SUN1: variants seen among roughly 807,000 people sequenced by gnomAD.
SUN1 encodes the protein Sad1 and UNC84 domain containing 1, also known as SUN domain-containing protein 1.
Under a neutral mutation model 103.2 loss-of-function variants are expected in SUN1, and 61 were observed. The observed-to-expected ratio is 0.59, with a 90% CI of 0.48 to 0.73. SUN1 has a LOEUF of 0.73. Among genes scored for constraint, SUN1 ranks in the 30% least tolerant of loss-of-function variants. SUN1 has a pLI of 0.00. For synonymous variants in SUN1, 490 were observed against 425.7 expected, an observed-to-expected ratio of 1.15 and a Z score of -1.86; for missense variants, 1,052 against 1,034.6, an observed-to-expected ratio of 1.02 and a Z score of -0.23.
intron 1 of SUN1, among the ~76,000 whole-genome samples, chr7:819,748 G>A (rs1424672676): frequency 4.5e-5 from 6 of 134,558 alleles, no homozygotes; most frequent in African/African-American, 1.4e-4. Context: ...TTGCCCTGTC[G>A]CCCAGGCTGG....
At chr7:815,879 C>T, upstream of SUN1, 3 of 225,584 alleles carry the variant, frequency 1.3e-5, no homozygotes, top group South Asian at 3.9e-5. Flanking sequence ...GGGGTGGGGG[C>T]GGCGGCCAGC....
At chr7:850,946 T>C (rs1401920422) in intron 5 of SUN1, among the ~76,000 whole-genome samples, 2 of 152,220 alleles carry the variant, frequency 1.3e-5, no homozygotes, top group African/African-American at 4.8e-5. Context: ...AGAATAATGT[T>C]AGTTTTGGTC....
At chr7:835,956 T>A (rs1802668373) in intron 1 of SUN1, among the ~76,000 whole-genome samples, 1 of 152,182 alleles carries the variant, frequency 6.6e-6, no homozygotes, top group Non-Finnish European at 1.5e-5. Context: ...GGGGGACTTG[T>A]CAGCAGGGGC....
chr7:847,390 G>T, intron 5 of SUN1, among the ~76,000 whole-genome samples: 1 of 141,006 alleles, frequency 7.1e-6, no homozygotes, highest in Non-Finnish European at 1.6e-5. Context: ...CCGCAGTCCA[G>T]TCTCCGGGAT....
intron 5 of SUN1, among the ~76,000 whole-genome samples, chr7:844,172 G>A (rs927284450): frequency 2.7e-4 from 41 of 152,232 alleles, no homozygotes; most frequent in Non-Finnish European, 4.9e-4. Context: ...GCCCCTTTGC[G>A]GCTTCCAGGC....
At chr7:851,607 C>A in intron 6 of SUN1, 125 bp downstream of exon 6, 1 of 847,582 alleles carries the variant, frequency 1.2e-6, no homozygotes, top group Non-Finnish European at 1.9e-6. Context: ...CTTGGCGTAA[C>A]GTGTCTCGTT....
At chr7:850,189 C>A in intron 5 of SUN1, 2 of 682,062 alleles carry the variant, frequency 2.9e-6, no homozygotes, top group Non-Finnish European at 4.9e-6. Context: ...GAATCTCTCT[C>A]GAAAAGCTCC....
Position 842,810 on chromosome 7 carries a change from G to C in SUN1, c.452-396G>C, listed in dbSNP as rs74771883. 3.7e-3 allele frequency: 1,117 copies of C among 300,402 alleles called. 17 individuals carry two copies. The highest frequency in any genetic ancestry group is 0.023 in the African/African-American group (1,026 of 44,768). The allele number at this position is 300,402 out of a possible 1,614,324, so 18.6% of individuals were successfully genotyped here. A position where few individuals can be genotyped will look rare whatever the true frequency, so the allele number is the denominator to read the frequency against. Reference sequence around the variant, plus strand: ...ACATGTGCTAATTTTGGGAAGCCTTGGTATTGGTGTTTGTTCTGTTTTGCT... The same window carrying C: ...ACATGTGCTAATTTTGGGAAGCCTTCGTATTGGTGTTTGTTCTGTTTTGCT... On this transcript the variant is annotated intron_variant, in intron 3 of 18. Transcript: ENST00000401592.
rs1393440678 is a variant in SUN1 at position 851,468 on chromosome 7, C to G, written c.743C>G (p.Ala248Gly). 2 of 1,606,730 alleles carry G rather than the reference C, an allele frequency of 1.2e-6. No individual in the cohort carries two copies. Among genetic ancestry groups the G allele is most frequent in the Non-Finnish European group, 1.7e-6 (2 of 1,176,632 alleles). The change falls in exon 6 of 19, where the codon GCC becomes GGC. Residue 248 changes from alanine to glycine, a missense_variant. Coordinates refer to ENST00000401592, the MANE Select transcript of SUN1 (RefSeq NM_001130965.3). Reference protein sequence around the residue: ...SRTAWSALWLAVVAPGKAASG... With the variant: ...SRTAWSALWLGVVAPGKAASG... ...ACGGCGTGGTCGGCCCTTTGGCTGGCCGTGGTTGCTCCAGGTGGCTATTTT... is the reference window on the plus strand; with the variant it reads ...ACGGCGTGGTCGGCCCTTTGGCTGGGCGTGGTTGCTCCAGGTGGCTATTTT...
chr7:832,080 C>G, upstream of SUN1: 1 of 993,746 alleles, frequency 1.0e-6, no homozygotes, highest in African/African-American at 1.7e-5. Flanking sequence ...GCATACGCTG[C>G]TGCTTGACCA....
At chr7:872,884 C>T (rs758803076) in intron 18 of SUN1, among the ~76,000 whole-genome samples, 85 of 151,890 alleles carry the variant, frequency 5.6e-4, no homozygotes, top group Non-Finnish European at 9.0e-4. Flanking sequence ...GTCAGGAGTT[C>T]GAGACCAGCC....
At position 838,924 on chromosome 7, in the gene SUN1, T is replaced by C; in HGVS notation, c.204T>C (p.Gly68=). The C allele has an allele frequency of 6.2e-7, 1 of 1,611,274 alleles. No homozygotes were observed. Among genetic ancestry groups the C allele is most frequent in the Non-Finnish European group, 8.5e-7 (1 of 1,179,192 alleles). ...LATTACTLGD[G]EAVGADSGTS... ...CGACAGCATGCACCCTGGGGGATGG[T>C]GAGGCTGTGGGTGCCGACAGCGGCA... The change falls in exon 2 of 19, where the codon GGT becomes GGC. Residue 68 remains glycine (G), a synonymous_variant. Transcript: ENST00000401592.
At chr7:870,377 G>A (rs563302770) in intron 17 of SUN1, among the ~76,000 whole-genome samples, 2 of 152,106 alleles carry the variant, frequency 1.3e-5, no homozygotes, top group South Asian at 2.1e-4. Flanking sequence ...ATCACCTGAG[G>A]TTAGGAGTTC....
chr7:840,196 A>G (rs1328656522), intron 2 of SUN1, among the ~76,000 whole-genome samples: 1 of 152,230 alleles, frequency 6.6e-6, no homozygotes, highest in Non-Finnish European at 1.5e-5. Flanking sequence ...GGTGGCTTCC[A>G]CAGGCACCAC....
At chr7:836,219 C>G (rs541115781) in intron 1 of SUN1, among the ~76,000 whole-genome samples, 1 of 152,024 alleles carries the variant, frequency 6.6e-6, no homozygotes, top group Admixed American at 6.5e-5. Context: ...TGTAGGAGAA[C>G]GAGGAAGGGC....
intron 15 of SUN1, among the ~76,000 whole-genome samples, chr7:864,322 C>T (rs1834554798): frequency 6.6e-6 from 1 of 151,760 alleles, no homozygotes; most frequent in African/African-American, 2.4e-5. Context: ...CTGAGGCGGG[C>T]AGATCACCTG....
Position 874,038 on chromosome 7 carries a change from T to C in SUN1, c.*707T>C, listed in dbSNP as rs1467240144. On this transcript the variant is annotated 3_prime_UTR_variant, in exon 19 of 19. Coordinates refer to ENST00000401592, the MANE Select transcript of SUN1 (RefSeq NM_001130965.3). ...GTTTGGATCTAAGCAAACACCCAGA[T>C]GGGGTTCTCTGGTCTCAGCAAGGCT... is the stretch of plus-strand genomic sequence containing the variant. 6.6e-6 allele frequency: 1 copy of C among 152,252 alleles called. No homozygotes were observed. Among genetic ancestry groups the C allele is most frequent in the Non-Finnish European group, 1.5e-5 (1 of 68,048 alleles). The allele number at this position is 152,252 out of a possible 1,614,324, so 9.4% of individuals were successfully genotyped here.
intron 17 of SUN1, among the ~76,000 whole-genome samples, chr7:870,030 C>G (rs1255034676): frequency 6.9e-6 from 1 of 143,982 alleles, no homozygotes; most frequent in African/African-American, 2.6e-5. Flanking sequence ...CGCGTCTCTA[C>G]TAAAATATAC....
intron 10 of SUN1, among the ~76,000 whole-genome samples, chr7:854,059 A>T (rs1379562617): frequency 6.6e-6 from 1 of 152,184 alleles, no homozygotes; most frequent in Non-Finnish European, 1.5e-5. Flanking sequence ...CACTGCAGGG[A>T]TCGCGTGGGG....
Sources: allele counts gnomAD v4.1 joint callset (sites outside exome capture counted in the v4.1 genomes callset), GRCh38; gene constraint gnomAD v4.1.1; transcripts MANE v1.5; gene names NCBI Gene and HGNC (gene_info 2026-07-23, HGNC 2026-07-21).